The following TOM1L2 variants were observed in gnomAD, a reference collection of about 807,000 sequenced individuals.
The protein encoded by TOM1L2 is TOM1-like protein 2.
TOM1L2 carries 31 observed loss-of-function variants against 67.9 expected under a neutral mutation model. That is an observed-to-expected ratio of 0.46 (90% CI 0.34 to 0.62). The LOEUF is 0.62. Among genes scored for constraint, TOM1L2 ranks in the 20% least tolerant of loss-of-function variants. TOM1L2 has a pLI of 0.01. For missense variants in TOM1L2, 606 were observed against 663.5 expected (o/e 0.91, Z 0.95); for synonymous variants, 256 against 254.0 (o/e 1.01, Z -0.07).
intron 4 of TOM1L2, among the ~76,000 whole-genome samples, chr17:17,885,690 C>T (rs1446182189): frequency 2.6e-5 from 4 of 151,998 alleles, no homozygotes; most frequent in Non-Finnish European, 4.4e-5. Context: ...TTTGAGAGGC[C>T]GAGGCGGACG....
chr17:17,938,776 T>C (rs763937698), intron 1 of TOM1L2, among the ~76,000 whole-genome samples: 4 of 151,854 alleles, frequency 2.6e-5, no homozygotes, highest in Non-Finnish European at 5.9e-5. Context: ...GTTTTTTTTT[T>C]TTTTTAATAT....
At chr17:17,924,804 A>C (rs1202533080) in intron 1 of TOM1L2, among the ~76,000 whole-genome samples, 1 of 152,188 alleles carries the variant, frequency 6.6e-6, no homozygotes, top group Non-Finnish European at 1.5e-5. Flanking sequence ...CAAATATAAA[A>C]TAAAAAAGTG....
intron 1 of TOM1L2, among the ~76,000 whole-genome samples, chr17:17,964,877 T>A (rs1227165851): frequency 1.3e-5 from 2 of 152,244 alleles, no homozygotes; most frequent in Non-Finnish European, 2.9e-5. Flanking sequence ...TCATTGCATA[T>A]GATAAACAGA....
chr17:17,852,801 G>A (rs2036046444), intron 12 of TOM1L2, among the ~76,000 whole-genome samples: 1 of 148,684 alleles, frequency 6.7e-6, no homozygotes, highest in Non-Finnish European at 1.5e-5. Flanking sequence ...GGAGGCAGAG[G>A]TTGCAGTGAG....
At chr17:17,968,731 C>G (rs1222883942) in intron 1 of TOM1L2, among the ~76,000 whole-genome samples, 1 of 152,030 alleles carries the variant, frequency 6.6e-6, no homozygotes, top group Non-Finnish European at 1.5e-5. Context: ...CCTCCTGTGC[C>G]CAAACCCTAC....
Position 17,965,052 on chromosome 17 carries a change from C to A in TOM1L2, c.52+7210G>T, listed in dbSNP as rs138118323. On this transcript the variant is annotated intron_variant, in intron 1 of 14. Coordinates refer to ENST00000379504, the MANE Select transcript of TOM1L2 (RefSeq NM_001082968.2). ...TCTGAGGGGGCTTCATAGACAGTGT[C>A]CCTACCCTTGACCACAGCTGACATC... Among the ~76,000 whole-genome samples, 401 of 152,286 alleles carry A rather than the reference C, an allele frequency of 2.6e-3. 2 individuals carry two copies. Among genetic ancestry groups the A allele is most frequent in the South Asian group, 7.1e-3 (34 of 4,822 alleles).
chr17:17,874,048 C>G (rs967681307), intron 7 of TOM1L2, among the ~76,000 whole-genome samples: 2 of 151,988 alleles, frequency 1.3e-5, no homozygotes, highest in African/African-American at 4.8e-5. Context: ...CTCCGCCTCC[C>G]GGGTTCATGA....
intron 10 of TOM1L2, among the ~76,000 whole-genome samples, chr17:17,864,168 C>T (rs2036713572): frequency 6.7e-6 from 1 of 148,594 alleles, no homozygotes; most frequent in South Asian, 2.1e-4. Context: ...TATGCCTGGC[C>T]TACTATACCT....
rs1344176835 is a variant in TOM1L2, at chr17:17,848,957, C to A, written c.1339-98G>T. 8.5e-6 allele frequency: 10 copies of A among 1,179,630 alleles called. No individual in the cohort carries two copies. The East Asian group carries it at 1.9e-4, about 23-fold the overall frequency. The allele number at this position is 1,179,630 out of a possible 1,614,324, so 73.1% of individuals were successfully genotyped here. A position where few individuals can be genotyped will look rare whatever the true frequency, so the allele number is the denominator to read the frequency against. On this transcript the variant is annotated intron_variant, in intron 13 of 14. Transcript: ENST00000379504. The stretch of plus-strand genomic sequence containing the variant: ...CCATGGCCACCCTAGGACAGCACTG[C>A]CCAGGGTAGCCTGAACAAAACTTCC...
intron 12 of TOM1L2, among the ~76,000 whole-genome samples, chr17:17,860,389 C>T (rs2036488662): frequency 1.3e-5 from 2 of 152,224 alleles, no homozygotes; most frequent in South Asian, 4.1e-4. Flanking sequence ...GGCTCTTCTG[C>T]GCCCTCTGGT....
At position 17,890,865 on chromosome 17, in the gene TOM1L2, A is replaced by T. The variant is rs112369842; in HGVS notation, c.366+2796T>A. 1.5e-3 allele frequency among the ~76,000 whole-genome samples: 230 copies of T among 152,244 alleles called. 1 individual carries two copies. Among genetic ancestry groups the T allele is most frequent in the Non-Finnish European group, 2.3e-3 (154 of 67,998 alleles). On this transcript the variant is annotated intron_variant, in intron 4 of 14. Coordinates refer to ENST00000379504, the MANE Select transcript of TOM1L2 (RefSeq NM_001082968.2). The stretch of plus-strand genomic sequence containing the variant: ...TATATTATAATTCAATTAAAAGTTT[A>T]AAAAAAAGAAAGGGCTAGGGATCCT...
chr17:17,957,212 C>G (rs1221479866), intron 1 of TOM1L2, among the ~76,000 whole-genome samples: 1 of 152,158 alleles, frequency 6.6e-6, no homozygotes, highest in East Asian at 1.9e-4. Context: ...AATTTTTGGC[C>G]TCAAGCAATC....
At chr17:17,918,570 G>A (rs1358520811) in intron 1 of TOM1L2, among the ~76,000 whole-genome samples, 1 of 152,184 alleles carries the variant, frequency 6.6e-6, no homozygotes. Context: ...AGGATCTGCA[G>A]GTCTTTGCAA....
At chr17:17,861,638 C>T (rs1366821029) in intron 11 of TOM1L2, 87 bp from the exon 12 acceptor site, 5 of 1,149,860 alleles carry the variant, frequency 4.3e-6, no homozygotes, top group East Asian at 2.4e-5. Flanking sequence ...TCACTTCTAT[C>T]CTATGGTCCT....
Position 17,893,918 on chromosome 17 carries a change from G to A in TOM1L2, c.217-108C>T, listed in dbSNP as rs971949427. ...CACCATCCCCTCTGTCTTGCTCCTA[G>A]ATCAGCTTTCTGACACGTCTCCTCC... On this transcript the variant is annotated intron_variant, in intron 3 of 14. Transcript: ENST00000379504. The A allele has an allele frequency of 8.4e-6, 10 of 1,190,350 alleles. No individual in the cohort carries two copies. The Admixed American group carries it at 1.2e-4, about 14-fold the overall frequency. 73.7% of individuals were successfully genotyped at this position (1,190,350 alleles called of 1,614,324 possible). A position where few individuals can be genotyped will look rare whatever the true frequency, so the allele number is the denominator to read the frequency against.
intron 1 of TOM1L2, among the ~76,000 whole-genome samples, chr17:17,964,392 G>C (rs1213714544): frequency 6.6e-6 from 1 of 152,174 alleles, no homozygotes; most frequent in Non-Finnish European, 1.5e-5. Context: ...AATAAATGTA[G>C]ATTATACAGA....
intron 1 of TOM1L2, among the ~76,000 whole-genome samples, chr17:17,934,441 C>A (rs967038151): frequency 2.0e-5 from 3 of 151,990 alleles, no homozygotes; most frequent in South Asian, 4.2e-4. Flanking sequence ...AACCCTGTCT[C>A]AAAAATAAAA....
At chr17:17,941,182 C>T (rs2040720068) in intron 1 of TOM1L2, among the ~76,000 whole-genome samples, 1 of 152,172 alleles carries the variant, frequency 6.6e-6, no homozygotes, top group Non-Finnish European at 1.5e-5. Context: ...TGGGGAGGGG[C>T]TACTGGCCCC....
At chr17:17,898,784 T>C in intron 2 of TOM1L2, 110 bp from the exon 3 acceptor site, 1 of 1,052,788 alleles carries the variant, frequency 9.5e-7, no homozygotes, top group Non-Finnish European at 1.4e-6. Context: ...CTGCAGCATG[T>C]TTGTAAATGT....
Sources: gnomAD v4.1 joint callset for allele counts (sites outside exome capture counted in the v4.1 genomes callset) on GRCh38, gnomAD v4.1.1 for gene constraint, MANE v1.5 for transcripts, NCBI Gene and HGNC (gene_info 2026-07-23, HGNC 2026-07-21) for gene names.